The following PTPN1 variants were observed in gnomAD, a reference collection of about 807,000 sequenced individuals.
The protein encoded by PTPN1 is protein tyrosine phosphatase non-receptor type 1.
Under a neutral mutation model 59.9 loss-of-function variants are expected in PTPN1, and 12 were observed. The ratio of observed to expected loss-of-function variants is 0.20; its 90% CI spans 0.13 to 0.32. The LOEUF is 0.32. PTPN1 is among the 10% of genes least tolerant of loss of function. The pLI is 1.00. For missense variants in PTPN1, 356 were observed against 549.2 expected (o/e 0.65, Z 3.52); for synonymous variants, 178 against 203.6 (o/e 0.87, Z 1.07).
At chr20:50,581,988 G>C (rs1365586713) in intron 9 of PTPN1, among the ~76,000 whole-genome samples, 7 of 152,244 alleles carry the variant, frequency 4.6e-5, no homozygotes, top group Non-Finnish European at 8.8e-5. Context: ...AAGAGGGTTA[G>C]GACGCTGTTG....
intron 4 of PTPN1, chr20:50,573,821 AC>A (rs767187403): frequency 2.6e-5 from 4 of 152,228 alleles, no homozygotes; most frequent in Non-Finnish European, 5.9e-5. Context: ...TTTGTCTTAG[AC>A]CCTAAATGAA....
intron 1 of PTPN1, among the ~76,000 whole-genome samples, chr20:50,535,870 G>A (rs977194279): frequency 2.0e-5 from 3 of 151,708 alleles, no homozygotes; most frequent in East Asian, 1.9e-4. Flanking sequence ...ACTGGTCCCC[G>A]TCCCCCACCC....
At chr20:50,558,189 T>C (rs1190421704) in intron 1 of PTPN1, among the ~76,000 whole-genome samples, 1 of 152,174 alleles carries the variant, frequency 6.6e-6, no homozygotes, top group African/African-American at 2.4e-5. Flanking sequence ...TTGCTAATGT[T>C]CCCATATCTT....
At chr20:50,528,580 G>C (rs901191019) in intron 1 of PTPN1, among the ~76,000 whole-genome samples, 1 of 152,012 alleles carries the variant, frequency 6.6e-6, no homozygotes, top group Admixed American at 6.6e-5. Context: ...CAGGCGTGGT[G>C]GCGGGTGCCT....
chr20:50,539,296 A>G (rs1469979275), intron 1 of PTPN1, among the ~76,000 whole-genome samples: 1 of 152,102 alleles, frequency 6.6e-6, no homozygotes. Context: ...TCAGCCTTCC[A>G]AAGTGCTGGG....
At chr20:50,532,782 C>T (rs2082607199) in intron 1 of PTPN1, among the ~76,000 whole-genome samples, 1 of 152,026 alleles carries the variant, frequency 6.6e-6, no homozygotes, top group African/African-American at 2.4e-5. Flanking sequence ...TCCTGCAATC[C>T]TGGCACTGGA....
intron 1 of PTPN1, among the ~76,000 whole-genome samples, chr20:50,541,021 GAATGT>G (rs1185243027): frequency 2.0e-5 from 3 of 152,190 alleles, no homozygotes; most frequent in Non-Finnish European, 4.4e-5. Flanking sequence ...GTGTCAGATA[GAATGT>G]ACTACATTCC....
chr20:50,544,079 C>T (rs2082664383), intron 1 of PTPN1, among the ~76,000 whole-genome samples: 1 of 152,154 alleles, frequency 6.6e-6, no homozygotes. Context: ...CTCCTGACCT[C>T]GTGATCCGCC....
chr20:50,519,915 T>C (rs1437145351), intron 1 of PTPN1, among the ~76,000 whole-genome samples: 2 of 152,246 alleles, frequency 1.3e-5, no homozygotes, highest in Non-Finnish European at 2.9e-5. Context: ...TAGTCTCTTT[T>C]TACAGCTTGC....
Position 50,578,570 on chromosome 20 carries a change from T to G in PTPN1, c.643T>G (p.Cys215Gly). 6.2e-7 allele frequency: 1 copy of G among 1,614,234 alleles called. No homozygotes were observed. Among genetic ancestry groups the G allele is most frequent in the Non-Finnish European group, 8.5e-7 (1 of 1,180,042 alleles). ...SPEHGPVVVH[C>G]SAGIGRSGTF... ...GGAGCACGGGCCCGTTGTGGTGCAC[T>G]GCAGTGCAGGCATCGGCAGGTCTGG... The change falls in exon 6 of 10, where the codon TGC becomes GGC. Residue 215 changes from cysteine to glycine, a missense_variant. By Grantham distance (159) the Cys-to-Gly change is radical. Coordinates refer to ENST00000371621, the MANE Select transcript of PTPN1 (RefSeq NM_002827.4).
intron 1 of PTPN1, among the ~76,000 whole-genome samples, chr20:50,551,457 T>A (rs1601402626): frequency 1.3e-5 from 2 of 152,328 alleles, no homozygotes; most frequent in Middle Eastern, 3.4e-3. Flanking sequence ...GTGTGCCTGA[T>A]GCCTATGTAA....
intron 3 of PTPN1, among the ~76,000 whole-genome samples, chr20:50,565,941 C>T (rs1417488647): frequency 3.3e-5 from 5 of 152,190 alleles, no homozygotes; most frequent in South Asian, 4.1e-4. Flanking sequence ...TAGGTCAGGG[C>T]GCGTTCAACT....
chr20:50,571,036 G>A (rs1317803160), intron 4 of PTPN1: 3 of 152,254 alleles, frequency 2.0e-5, no homozygotes, highest in African/African-American at 7.2e-5. Context: ...TTTGCTGTGA[G>A]CACAAGGTTT....
intron 1 of PTPN1, among the ~76,000 whole-genome samples, chr20:50,548,964 C>T (rs574490089): frequency 1.6e-4 from 25 of 152,292 alleles, no homozygotes; most frequent in East Asian, 9.7e-4. Flanking sequence ...GTGATCCGCC[C>T]GCCTTGGCCT....
At chr20:50,529,010 T>C (rs983426730) in intron 1 of PTPN1, among the ~76,000 whole-genome samples, 1 of 152,176 alleles carries the variant, frequency 6.6e-6, no homozygotes, top group Non-Finnish European at 1.5e-5. Context: ...TGTGTAATGC[T>C]TGGTGGCTCC....
At chr20:50,525,670 C>T (rs1381797624) in intron 1 of PTPN1, among the ~76,000 whole-genome samples, 1 of 149,380 alleles carries the variant, frequency 6.7e-6, no homozygotes, top group African/African-American at 2.5e-5. Flanking sequence ...ATCATTTAAA[C>T]GTCTGAAAGG....
chr20:50,510,514 C>T lies in PTPN1; in HGVS notation c.-14C>T, dbSNP rs1362178433. The T allele has an allele frequency of 6.5e-7, 1 of 1,549,036 alleles. No individual in the cohort carries two copies. The highest frequency in any genetic ancestry group is 8.7e-7 in the Non-Finnish European group (1 of 1,145,844). On this transcript the variant is annotated 5_prime_UTR_variant, in exon 1 of 10. Transcript: ENST00000371621. ...TGGGCCGAGAAGGAGGCGCAGCAGC[C>T]GCCCTGGCCCGTCATGGAGATGGAA...
intron 1 of PTPN1, among the ~76,000 whole-genome samples, chr20:50,536,307 A>G (rs1601394965): frequency 6.6e-6 from 1 of 152,322 alleles, no homozygotes; most frequent in African/African-American, 2.4e-5. Context: ...CTTCATTTAA[A>G]AATGTATTCC....
intron 1 of PTPN1, among the ~76,000 whole-genome samples, chr20:50,560,427 C>A (rs1473087794): frequency 6.6e-6 from 1 of 152,150 alleles, no homozygotes; most frequent in Non-Finnish European, 1.5e-5. Context: ...TCCTTCCTGA[C>A]TGGGAGCACA....
Sources: allele counts gnomAD v4.1 joint callset (sites outside exome capture counted in the v4.1 genomes callset), GRCh38; gene constraint gnomAD v4.1.1; transcripts MANE v1.5; gene names NCBI Gene and HGNC (gene_info 2026-07-23, HGNC 2026-07-21).